PTPRD: variants seen among roughly 807,000 people sequenced by gnomAD.
PTPRD encodes protein tyrosine phosphatase receptor type D, also known as receptor-type tyrosine-protein phosphatase delta.
PTPRD carries 34 observed loss-of-function variants against 214.5 expected under a neutral mutation model. That is an observed-to-expected ratio of 0.16 (90% CI 0.12 to 0.21). The LOEUF (loss-of-function observed/expected upper bound fraction) is 0.21, where lower values mean the gene tolerates loss of function less well. Ranked by LOEUF, PTPRD falls within the 10% of genes least tolerant of loss-of-function variation. The pLI is 1.00. For synonymous variants in PTPRD, 1,128 were observed against 845.7 expected, an observed-to-expected ratio of 1.33 and a Z score of -5.79; for missense variants, 2,545 against 2,398.7, an observed-to-expected ratio of 1.06 and a Z score of -1.27.
chr9:9,716,812 T>G (rs7031726), intron 7 of PTPRD, among the ~76,000 whole-genome samples: 1 of 150,858 alleles, frequency 6.6e-6, no homozygotes. Context: ...CCTGTTCACT[T>G]TGATGGTAGT....
chr9:10,365,102 G>C (rs969662064), intron 2 of PTPRD, among the ~76,000 whole-genome samples: 3 of 152,086 alleles, frequency 2.0e-5, no homozygotes, highest in Non-Finnish European at 4.4e-5. Context: ...GACTACATTA[G>C]CTGAAGGACT....
chr9:9,653,138 C>A (rs1279470366), intron 7 of PTPRD, among the ~76,000 whole-genome samples: 1 of 147,648 alleles, frequency 6.8e-6, no homozygotes, highest in Non-Finnish European at 1.5e-5. Flanking sequence ...GTCAGGAGAT[C>A]GAGACCATCC....
At chr9:9,183,170 G>T (rs1459494820) in intron 10 of PTPRD, 134 bp downstream of exon 10, 6 of 151,946 alleles carry the variant, frequency 3.9e-5, no homozygotes, top group Non-Finnish European at 8.8e-5. Flanking sequence ...TAGGTAAACA[G>T]AGTAAAATGT....
At chr9:9,836,802 T>C (rs749662112) in intron 5 of PTPRD, among the ~76,000 whole-genome samples, 18 of 152,188 alleles carry the variant, frequency 1.2e-4, no homozygotes, top group Non-Finnish European at 2.4e-4. Flanking sequence ...TGACTTACTA[T>C]ATGTAAAACA....
chr9:9,274,138 C>T (rs1419046468), intron 9 of PTPRD, among the ~76,000 whole-genome samples: 1 of 151,158 alleles, frequency 6.6e-6, no homozygotes. Flanking sequence ...CTTCCTGCTT[C>T]TTCACAGCTG....
At chr9:10,125,645 TG>T (rs1477396823) in intron 3 of PTPRD, among the ~76,000 whole-genome samples, 3 of 150,680 alleles carry the variant, frequency 2.0e-5, no homozygotes, top group African/African-American at 7.3e-5. Flanking sequence ...TGTGTGTGTG[TG>T]TGTGTGTGTG....
chr9:8,989,123 C>A, intron 11 of PTPRD, among the ~76,000 whole-genome samples: 1 of 151,892 alleles, frequency 6.6e-6, no homozygotes, highest in African/African-American at 2.4e-5. Flanking sequence ...TTGGGGGGCA[C>A]ATGTGATATT....
chr9:9,458,535 T>C (rs1341635359), intron 8 of PTPRD, among the ~76,000 whole-genome samples: 2 of 152,174 alleles, frequency 1.3e-5, no homozygotes, highest in East Asian at 3.9e-4. Context: ...TGAAAAATAT[T>C]GTGTCAGGAG....
At chr9:9,527,902 T>C (rs1045059856) in intron 8 of PTPRD, among the ~76,000 whole-genome samples, 1 of 152,224 alleles carries the variant, frequency 6.6e-6, no homozygotes, top group Admixed American at 6.5e-5. Flanking sequence ...AAGACTCTTC[T>C]GCCTTAAGCA....
intron 14 of PTPRD, among the ~76,000 whole-genome samples, chr9:8,622,429 G>GC (rs2095852121): frequency 1.3e-5 from 2 of 151,916 alleles, no homozygotes; most frequent in African/African-American, 4.8e-5. Context: ...AGTTCTTACG[G>GC]CAAGTACTAG....
intron 9 of PTPRD, among the ~76,000 whole-genome samples, chr9:9,260,638 T>G (rs913860101): frequency 3.3e-5 from 5 of 151,816 alleles, no homozygotes; most frequent in African/African-American, 1.2e-4. Flanking sequence ...GGACTTGGCT[T>G]GACGGCATTG....
At chr9:9,469,401 C>G (rs117236404) in intron 8 of PTPRD, among the ~76,000 whole-genome samples, 6,425 of 152,142 alleles carry the variant, frequency 0.042, 198 homozygotes, top group Middle Eastern at 0.068. Flanking sequence ...AGCCTTAAAT[C>G]AAAAGGGCTC....
At chr9:9,270,427 A>G (rs1427064213) in intron 9 of PTPRD, among the ~76,000 whole-genome samples, 6 of 151,344 alleles carry the variant, frequency 4.0e-5, no homozygotes, top group African/African-American at 1.5e-4. Context: ...ATGTTGGGAA[A>G]AAGGGCAGAA....
intron 39 of PTPRD, among the ~76,000 whole-genome samples, chr9:8,360,343 C>G (rs1336599099): frequency 6.6e-6 from 1 of 152,170 alleles, no homozygotes; most frequent in Non-Finnish European, 1.5e-5. Flanking sequence ...ACTAAATCTG[C>G]TAATCATTGG....
intron 6 of PTPRD, among the ~76,000 whole-genome samples, chr9:9,753,534 T>C (rs532598365): frequency 1.5e-4 from 23 of 152,184 alleles, no homozygotes; most frequent in African/African-American, 5.5e-4. Flanking sequence ...CTCTCTTGTG[T>C]GTTTGCTTGT....
At chr9:9,477,696 C>T (rs75731490) in intron 8 of PTPRD, among the ~76,000 whole-genome samples, 1,547 of 152,108 alleles carry the variant, frequency 0.01, 17 homozygotes, top group African/African-American at 0.034. Context: ...TTCCCAGTAC[C>T]TAATAATAAT....
intron 14 of PTPRD, among the ~76,000 whole-genome samples, chr9:8,558,387 C>T (rs2084830864): frequency 6.6e-6 from 1 of 152,160 alleles, no homozygotes; most frequent in African/African-American, 2.4e-5. Flanking sequence ...AACAGACTCT[C>T]CCTCCTTTCT....
At chr9:9,186,659 T>G (rs879324661) in intron 9 of PTPRD, among the ~76,000 whole-genome samples, 1 of 123,584 alleles carries the variant, frequency 8.1e-6, no homozygotes, top group East Asian at 2.4e-4. Flanking sequence ...TCTCTCTCTC[T>G]CTCTCTCACA....
At chr9:9,450,869 G>C (rs540476493) in intron 8 of PTPRD, among the ~76,000 whole-genome samples, 7 of 150,316 alleles carry the variant, frequency 4.7e-5, no homozygotes, top group African/African-American at 1.5e-4. Flanking sequence ...TTTCCAAATT[G>C]AATGTCTAAA....
Sources: gnomAD v4.1 joint callset for allele counts (sites outside exome capture counted in the v4.1 genomes callset) on GRCh38, gnomAD v4.1.1 for gene constraint, MANE v1.5 for transcripts, NCBI Gene and HGNC (gene_info 2026-07-23, HGNC 2026-07-21) for gene names.